The following NMD3 variants were observed in gnomAD, a reference collection of about 807,000 sequenced individuals.
NMD3 encodes the protein 60S ribosomal export protein NMD3.
NMD3 carries 47 observed loss-of-function variants against 73.1 expected under a neutral mutation model. The observed-to-expected ratio is 0.64, with a 90% CI of 0.51 to 0.82. The LOEUF (loss-of-function observed/expected upper bound fraction) is 0.82. NMD3 is among the 40% of genes least tolerant of loss of function. The probability of loss-of-function intolerance (pLI) is 0.00; values close to 1 mark genes in which losing one functional copy is unlikely to be tolerated. For missense variants in NMD3, 554 were observed against 612.5 expected, an observed-to-expected ratio of 0.90 and a Z score of 1.01; for synonymous variants, 210 against 194.5, an observed-to-expected ratio of 1.08 and a Z score of -0.66.
chr3:161,236,654 C>G (rs1736767498), intron 7 of NMD3, among the ~76,000 whole-genome samples: 1 of 152,080 alleles, frequency 6.6e-6, no homozygotes. Context: ...ATCAAGGTCA[C>G]AAAGATTTTC....
In NMD3 at chr3:161,233,419, C is replaced by G; in HGVS notation, c.297C>G (p.Gly99=). ...TGAAGGTACGGCTTGTAGATGCAGG[C>G]TTTGTTTGGACTGAGCCTCATTCTA... ...PLSKVRLVDA[G]FVWTEPHSKR... is the part of the protein sequence containing the mutation. Residue 99 remains glycine (G), a synonymous_variant, in exon 5 of 16, where the codon GGC becomes GGG. Coordinates refer to ENST00000351193, the MANE Select transcript of NMD3 (RefSeq NM_015938.5). The G allele has an allele frequency of 2.5e-6, 4 of 1,608,410 alleles. No individual in the cohort carries two copies. Among genetic ancestry groups the G allele is most frequent in the Non-Finnish European group, 3.4e-6 (4 of 1,176,974 alleles).
At chr3:161,245,708 A>G (rs1737172829) in intron 11 of NMD3, among the ~76,000 whole-genome samples, 1 of 152,008 alleles carries the variant, frequency 6.6e-6, no homozygotes, top group Non-Finnish European at 1.5e-5. Flanking sequence ...TAGAAAGGGA[A>G]TTAATAGTTT....
chr3:161,240,329 A>T (rs1358675535), intron 9 of NMD3, among the ~76,000 whole-genome samples: 2 of 152,136 alleles, frequency 1.3e-5, no homozygotes, highest in Non-Finnish European at 2.9e-5. Flanking sequence ...GTAGCCATGT[A>T]AGAGAAATGT....
Position 161,224,936 on chromosome 3 carries a change from C to T in NMD3, c.51C>T (p.Cys17=), listed in dbSNP as rs1363718807. 1 of 1,602,756 alleles carries T rather than the reference C, an allele frequency of 6.2e-7. No homozygotes were observed. The highest frequency in any genetic ancestry group is 8.5e-7 in the Non-Finnish European group (1 of 1,176,460). The change falls in exon 3 of 16, where the codon TGC becomes TGT. Residue 17 remains cysteine (C), a synonymous_variant. Coordinates refer to ENST00000351193, the MANE Select transcript of NMD3 (RefSeq NM_015938.5). ...TATCCTTTATTTATTAAAGCTTGTG[C>T]TGTGAGTGTGGTGTTCCGATAAGTC... ...STDRSPGHIL[C]CECGVPISPN... is the part of the protein sequence containing the mutation.
intron 9 of NMD3, among the ~76,000 whole-genome samples, chr3:161,240,343 C>T (rs1736919483): frequency 6.6e-6 from 1 of 151,916 alleles, no homozygotes; most frequent in Non-Finnish European, 1.5e-5. Context: ...GAAATGTGTT[C>T]CTTTGAAGTT....
intron 3 of NMD3, among the ~76,000 whole-genome samples, chr3:161,225,841 T>A (rs1309791040): frequency 6.6e-6 from 1 of 152,266 alleles, no homozygotes; most frequent in East Asian, 1.9e-4. Context: ...TGTGTGTGTA[T>A]ATATGTAAAA....
intron 13 of NMD3, 114 bp downstream of exon 13, chr3:161,247,444 C>A: frequency 1.7e-6 from 1 of 579,500 alleles, no homozygotes; most frequent in Non-Finnish European, 2.9e-6. Flanking sequence ...TTAGAGATTT[C>A]TGAAACTGCA....
At chr3:161,227,741 T>C (rs549712758) in intron 4 of NMD3, among the ~76,000 whole-genome samples, 1 of 152,198 alleles carries the variant, frequency 6.6e-6, no homozygotes, top group South Asian at 2.1e-4. Flanking sequence ...GCCACCATGC[T>C]GGCCTCGAAA....
At chr3:161,228,327 G>C (rs373941271) in intron 4 of NMD3, among the ~76,000 whole-genome samples, 4 of 151,924 alleles carry the variant, frequency 2.6e-5, no homozygotes, top group African/African-American at 9.7e-5. Flanking sequence ...ACTTTTTGGC[G>C]CTTCTGGCAT....
chr3:161,235,037 C>A, intron 6 of NMD3, 85 bp from the exon 7 acceptor site: 1 of 870,760 alleles, frequency 1.1e-6, no homozygotes, highest in Non-Finnish European at 1.8e-6. Flanking sequence ...AATCAGTATG[C>A]TCTATCTGTA....
chr3:161,249,659 T>G, intron 14 of NMD3, 99 bp downstream of exon 14: 1 of 753,214 alleles, frequency 1.3e-6, no homozygotes, highest in Non-Finnish European at 2.3e-6. Flanking sequence ...CAATTGATCC[T>G]TGCACTCAAT....
chr3:161,244,156 G>T (rs1178866554), intron 11 of NMD3, among the ~76,000 whole-genome samples: 1 of 152,124 alleles, frequency 6.6e-6, no homozygotes, highest in Non-Finnish European at 1.5e-5. Context: ...TTTTAGACAT[G>T]ATCTTGCCGT....
chr3:161,234,696 A>G (rs1336826407), intron 5 of NMD3, 31 bp from the exon 6 acceptor site: 14 of 1,555,248 alleles, frequency 9.0e-6, no homozygotes, highest in Non-Finnish European at 1.2e-5. Context: ...AACAAAACCA[A>G]AAGAATGAAG....
intron 4 of NMD3, among the ~76,000 whole-genome samples, chr3:161,231,863 G>A (rs776786540): frequency 3.9e-5 from 6 of 152,142 alleles, no homozygotes; most frequent in Non-Finnish European, 7.4e-5. Flanking sequence ...AAGGGTTTTA[G>A]GATTCGGGGA....
At chr3:161,231,629 A>G (rs1369582782) in intron 4 of NMD3, among the ~76,000 whole-genome samples, 1 of 152,190 alleles carries the variant, frequency 6.6e-6, no homozygotes, top group African/African-American at 2.4e-5. Flanking sequence ...AGCTGGGTAT[A>G]TTTGAGGAGG....
At chr3:161,253,383 C>T (rs1051165808), downstream of NMD3, 4 of 152,078 alleles carry the variant, frequency 2.6e-5, no homozygotes, top group East Asian at 5.8e-4. Flanking sequence ...TTTTAATTAT[C>T]CATAATTTCA....
At chr3:161,232,099 T>C (rs1736567060) in intron 4 of NMD3, among the ~76,000 whole-genome samples, 1 of 151,290 alleles carries the variant, frequency 6.6e-6, no homozygotes, top group African/African-American at 2.4e-5. Flanking sequence ...AGGTTGGAGC[T>C]TGAGGGGAAG....
At chr3:161,227,923 A>G (rs1736386640) in intron 4 of NMD3, among the ~76,000 whole-genome samples, 1 of 152,058 alleles carries the variant, frequency 6.6e-6, no homozygotes, top group African/African-American at 2.4e-5. Flanking sequence ...TTTTTAACGG[A>G]AATTTTTATG....
intron 14 of NMD3, 83 bp downstream of exon 14, chr3:161,249,643 A>G: frequency 1.2e-6 from 1 of 840,464 alleles, no homozygotes; most frequent in Non-Finnish European, 2.0e-6. Context: ...AGAAATAGGC[A>G]TCACACAATT....
Sources: gnomAD v4.1 joint callset for allele counts (sites outside exome capture counted in the v4.1 genomes callset) on GRCh38, gnomAD v4.1.1 for gene constraint, MANE v1.5 for transcripts, NCBI Gene and HGNC (gene_info 2026-07-23, HGNC 2026-07-21) for gene names.